Variants in AGBL4 observed in about 807,000 individuals in gnomAD.
The protein encoded by AGBL4 is AGBL carboxypeptidase 4, also known as cytosolic carboxypeptidase 6.
AGBL4 carries 58 observed loss-of-function variants against 66.4 expected under a neutral mutation model. That is an observed-to-expected ratio of 0.87 (90% CI 0.71 to 1.09). The LOEUF (loss-of-function observed/expected upper bound fraction) is 1.09. Among genes scored for constraint, AGBL4 ranks in the 50% least tolerant of loss-of-function variants. The pLI is 0.00. For synonymous variants in AGBL4, 234 were observed against 222.9 expected (o/e 1.05, Z -0.44); for missense variants, 579 against 631.0 (o/e 0.92, Z 0.88).
intron 1 of AGBL4, among the ~76,000 whole-genome samples, chr1:49,890,600 C>G (rs1289506626): frequency 6.6e-6 from 1 of 152,088 alleles, no homozygotes; most frequent in Non-Finnish European, 1.5e-5. Flanking sequence ...CTCTTCTTTC[C>G]TGGGTATATA....
At chr1:48,646,472 C>T (rs150304360) in intron 8 of AGBL4, among the ~76,000 whole-genome samples, 45 of 149,654 alleles carry the variant, frequency 3.0e-4, no homozygotes, top group African/African-American at 1.0e-3. Flanking sequence ...ATGTTTCTTC[C>T]TCTAGATTTT....
chr1:48,721,382 G>T (rs1173030217), intron 6 of AGBL4, among the ~76,000 whole-genome samples: 2 of 152,206 alleles, frequency 1.3e-5, no homozygotes, highest in South Asian at 2.1e-4. Flanking sequence ...GAAATGCTGA[G>T]GAAATCAATG....
At chr1:49,112,928 T>C (rs1202839177) in intron 4 of AGBL4, among the ~76,000 whole-genome samples, 2 of 152,066 alleles carry the variant, frequency 1.3e-5, no homozygotes, top group Non-Finnish European at 2.9e-5. Context: ...TGACCTTCTC[T>C]CATGAATCAC....
intron 3 of AGBL4, among the ~76,000 whole-genome samples, chr1:49,257,921 G>T (rs552814387): frequency 1.3e-4 from 20 of 152,260 alleles, no homozygotes; most frequent in Admixed American, 1.2e-3. Flanking sequence ...CCCAGTAGGG[G>T]CAGACTGACA....
chr1:48,882,621 A>T (rs1309330964), intron 5 of AGBL4, among the ~76,000 whole-genome samples: 2 of 152,150 alleles, frequency 1.3e-5, no homozygotes, highest in African/African-American at 2.4e-5. Flanking sequence ...TCTCTCACAT[A>T]TTATTTTTTG....
intron 6 of AGBL4, among the ~76,000 whole-genome samples, chr1:48,713,668 C>T (rs1346297843): frequency 6.6e-6 from 1 of 152,164 alleles, no homozygotes; most frequent in Non-Finnish European, 1.5e-5. Flanking sequence ...AGAGCATCAA[C>T]TACAGCTTGA....
At chr1:48,937,652 T>C (rs1655593901) in intron 5 of AGBL4, among the ~76,000 whole-genome samples, 1 of 152,228 alleles carries the variant, frequency 6.6e-6, no homozygotes, top group Non-Finnish European at 1.5e-5. Flanking sequence ...TCACTTTTGA[T>C]GACTTTAATG....
At chr1:49,485,450 T>C (rs1317747411) in intron 3 of AGBL4, among the ~76,000 whole-genome samples, 2 of 96,600 alleles carry the variant, frequency 2.1e-5, no homozygotes, top group Non-Finnish European at 3.9e-5. Context: ...CACACCGGGG[T>C]CTGTTGTGGG....
intron 3 of AGBL4, among the ~76,000 whole-genome samples, chr1:49,568,523 A>ACACACACACAC (rs56393842): frequency 2.8e-4 from 43 of 151,534 alleles, no homozygotes; most frequent in Non-Finnish European, 3.8e-4. Flanking sequence ...ACACACACAC[A>ACACACACACAC]AATGCCATGC....
At chr1:48,555,091 G>T (rs1439166242) in intron 11 of AGBL4, among the ~76,000 whole-genome samples, 1 of 152,092 alleles carries the variant, frequency 6.6e-6, no homozygotes, top group Non-Finnish European at 1.5e-5. Flanking sequence ...GGGAAATAAG[G>T]GAAGTCAGGG....
intron 3 of AGBL4, among the ~76,000 whole-genome samples, chr1:49,656,911 G>A (rs1449231737): frequency 2.0e-5 from 3 of 152,148 alleles, no homozygotes; most frequent in South Asian, 2.1e-4. Flanking sequence ...TACTGAATGG[G>A]CAAAAACTGG....
chr1:49,503,573 C>CCTG, intron 3 of AGBL4, among the ~76,000 whole-genome samples: 1 of 152,230 alleles, frequency 6.6e-6, no homozygotes, highest in East Asian at 1.9e-4. Context: ...GATGCTGTAC[C>CCTG]CTGCAAAGCC....
At chr1:49,565,859 T>C (rs568998333) in intron 3 of AGBL4, among the ~76,000 whole-genome samples, 5 of 152,364 alleles carry the variant, frequency 3.3e-5, no homozygotes, top group South Asian at 4.1e-4. Flanking sequence ...CCTTGCTACA[T>C]TGGGGAAGTT....
At chr1:49,214,695 T>G (rs1648939668) in intron 4 of AGBL4, among the ~76,000 whole-genome samples, 1 of 152,162 alleles carries the variant, frequency 6.6e-6, no homozygotes, top group Non-Finnish European at 1.5e-5. Context: ...CGTTGGAGAC[T>G]ATGTTTATAG....
At chr1:48,842,316 A>AC (rs1477487119) in intron 6 of AGBL4, among the ~76,000 whole-genome samples, 1 of 151,944 alleles carries the variant, frequency 6.6e-6, no homozygotes, top group Non-Finnish European at 1.5e-5. Context: ...AGATGATCTC[A>AC]CCAAGTCATT....
intron 3 of AGBL4, among the ~76,000 whole-genome samples, chr1:49,318,889 G>A (rs998739008): frequency 3.3e-5 from 5 of 152,058 alleles, no homozygotes; most frequent in African/African-American, 1.2e-4. Flanking sequence ...TGTGATATGT[G>A]AGTCTACCTA....
intron 5 of AGBL4, among the ~76,000 whole-genome samples, chr1:48,965,972 C>A (rs893262560): frequency 6.6e-6 from 1 of 152,096 alleles, no homozygotes; most frequent in African/African-American, 2.4e-5. Context: ...TAGGAGAAAA[C>A]AGATTTGAGG....
chr1:49,902,749 A>AAAAC lies in AGBL4; in HGVS notation c.35-51235_35-51232dup, dbSNP rs761002224. 1.1e-4 allele frequency among the ~76,000 whole-genome samples: 16 copies of AAAAC among 152,330 alleles called. No homozygotes were observed. In the South Asian group the frequency reaches 1.9e-3, roughly 18 times the overall value. On this transcript the variant is annotated intron_variant, in intron 1 of 13. Coordinates refer to ENST00000371839, the MANE Select transcript of AGBL4 (RefSeq NM_032785.4). The stretch of plus-strand genomic sequence containing the variant: ...GCAACAGAGCGAGACTCTGTCTCAA[A>AAAAC]AAACAAACAAACAAACAAACCAGAG...
intron 6 of AGBL4, among the ~76,000 whole-genome samples, chr1:48,779,862 C>T (rs1188094351): frequency 1.3e-5 from 2 of 151,536 alleles, no homozygotes; most frequent in Non-Finnish European, 2.9e-5. Flanking sequence ...TACAGGTGCT[C>T]GCCACCACGC....
Sources: gnomAD v4.1 joint callset for allele counts (sites outside exome capture counted in the v4.1 genomes callset) on GRCh38, gnomAD v4.1.1 for gene constraint, MANE v1.5 for transcripts, NCBI Gene and HGNC (gene_info 2026-07-23, HGNC 2026-07-21) for gene names.